FNDC3B: variants seen among roughly 807,000 people sequenced by gnomAD.
The protein encoded by FNDC3B is fibronectin type III domain-containing protein 3B.
In FNDC3B, 12 loss-of-function variants were observed where a neutral mutation model predicts 151.5. The ratio of observed to expected loss-of-function variants is 0.08; its 90% confidence interval spans 0.05 to 0.13. FNDC3B has a LOEUF of 0.13. Ranked by LOEUF, FNDC3B falls within the 10% of genes least tolerant of loss-of-function variation. The pLI, the probability that FNDC3B is intolerant of heterozygous loss-of-function variation, is 1.00. For synonymous variants in FNDC3B, 528 were observed against 549.0 expected (o/e 0.96, Z 0.54); for missense variants, 1,214 against 1,505.3 (o/e 0.81, Z 3.20).
At chr3:172,279,756 C>A (rs1226264286) in intron 6 of FNDC3B, among the ~76,000 whole-genome samples, 1 of 152,184 alleles carries the variant, frequency 6.6e-6, no homozygotes, top group African/African-American at 2.4e-5. Flanking sequence ...GGATCATAGT[C>A]ACTAAATGGA....
At chr3:172,255,277 T>C (rs909516951) in intron 6 of FNDC3B, among the ~76,000 whole-genome samples, 2 of 152,154 alleles carry the variant, frequency 1.3e-5, no homozygotes. Context: ...AGGCTCTTTT[T>C]TTTCTTTTGA....
chr3:172,216,115 G>T (rs1178008325), intron 3 of FNDC3B, among the ~76,000 whole-genome samples: 1 of 152,132 alleles, frequency 6.6e-6, no homozygotes, highest in Non-Finnish European at 1.5e-5. Flanking sequence ...GCTTTTAAAG[G>T]TTTTGAAATG....
intron 22 of FNDC3B, among the ~76,000 whole-genome samples, chr3:172,356,382 T>C (rs1734098713): frequency 6.6e-6 from 1 of 151,920 alleles, no homozygotes; most frequent in Non-Finnish European, 1.5e-5. Flanking sequence ...TGATAAGAGG[T>C]CAGGTACCTA....
At chr3:172,095,590 T>C (rs1319183458) in intron 1 of FNDC3B, among the ~76,000 whole-genome samples, 1 of 152,236 alleles carries the variant, frequency 6.6e-6, no homozygotes, top group Non-Finnish European at 1.5e-5. Flanking sequence ...ATTTTTCCGT[T>C]AGATTATTTG....
chr3:172,164,813 G>A (rs1461591358), intron 3 of FNDC3B, among the ~76,000 whole-genome samples: 2 of 152,108 alleles, frequency 1.3e-5, no homozygotes, highest in Non-Finnish European at 2.9e-5. Flanking sequence ...CAGGTGATTC[G>A]TGTACTGTGT....
At chr3:172,371,562 A>G (rs776590143) in intron 23 of FNDC3B, among the ~76,000 whole-genome samples, 1 of 152,252 alleles carries the variant, frequency 6.6e-6, no homozygotes, top group Non-Finnish European at 1.5e-5. Flanking sequence ...TTAGACTGTA[A>G]ACTTTTAATG....
In FNDC3B at chr3:172,242,198, C is replaced by T. The variant is rs144927022; in HGVS notation, c.265-5335C>T. On this transcript the variant is annotated intron_variant, in intron 4 of 25. Transcript: ENST00000415807. ...TGTGGCTTTGCAGGGTACAGCCTCA[C>T]TCCTGACTGCTTTCACAGGCTGGTA... Among the ~76,000 whole-genome samples the T allele has an allele frequency of 1.8e-3, 268 of 152,354 alleles. 2 individuals are homozygous for T. Among genetic ancestry groups the T allele is most frequent in the African/African-American group, 6.3e-3 (262 of 41,588 alleles).
At chr3:172,118,304 C>T (rs1720363584) in intron 2 of FNDC3B, among the ~76,000 whole-genome samples, 1 of 152,188 alleles carries the variant, frequency 6.6e-6, no homozygotes. Flanking sequence ...TTGATGGCTT[C>T]CGTCTTGCAT....
intron 6 of FNDC3B, among the ~76,000 whole-genome samples, chr3:172,275,847 T>G (rs1382731991): frequency 1.3e-5 from 2 of 152,048 alleles, no homozygotes; most frequent in Non-Finnish European, 2.9e-5. Flanking sequence ...AGGGAAGTGT[T>G]GATTAGGGAG....
At chr3:172,346,904 G>C (rs940594307) in intron 20 of FNDC3B, among the ~76,000 whole-genome samples, 1 of 151,906 alleles carries the variant, frequency 6.6e-6, no homozygotes, top group Non-Finnish European at 1.5e-5. Flanking sequence ...GGGTTTCACT[G>C]TGTTGGCCAG....
chr3:172,305,465 G>C (rs1299703827), intron 9 of FNDC3B, among the ~76,000 whole-genome samples: 1 of 152,180 alleles, frequency 6.6e-6, no homozygotes, highest in African/African-American at 2.4e-5. Flanking sequence ...CATCCGTGTT[G>C]TGTTGCTTAA....
At chr3:172,080,045 A>G (rs1051262062) in intron 1 of FNDC3B, among the ~76,000 whole-genome samples, 14 of 152,248 alleles carry the variant, frequency 9.2e-5, no homozygotes, top group Non-Finnish European at 1.3e-4. Flanking sequence ...TTTGTCTTAC[A>G]AAATGTTCAT....
intron 1 of FNDC3B, among the ~76,000 whole-genome samples, chr3:172,063,147 A>G (rs1048997611): frequency 6.6e-6 from 1 of 151,444 alleles, no homozygotes; most frequent in African/African-American, 2.4e-5. Flanking sequence ...ATTTTTTTGT[A>G]TTTTCCCCAT....
At chr3:172,157,755 T>A (rs56822680) in intron 3 of FNDC3B, among the ~76,000 whole-genome samples, 3,154 of 152,346 alleles carry the variant, frequency 0.021, 109 homozygotes, top group African/African-American at 0.071. Context: ...TTTCATCATA[T>A]ACATGAATCA....
intron 3 of FNDC3B, among the ~76,000 whole-genome samples, chr3:172,207,173 T>C (rs1725477035): frequency 6.6e-6 from 1 of 152,148 alleles, no homozygotes; most frequent in African/African-American, 2.4e-5. Flanking sequence ...TTCAACAGTC[T>C]TTTCTGCTTG....
Position 172,385,591 on chromosome 3 carries a change from C to G in FNDC3B, c.3303+4498C>G, listed in dbSNP as rs978572427. Among the ~76,000 whole-genome samples, 20 of 150,300 alleles carry G rather than the reference C, an allele frequency of 1.3e-4. No individual in the cohort carries two copies. In the South Asian group the frequency reaches 1.7e-3, roughly 13 times the overall value. ...TTTTTTTTTTTTGGACAGAGTCTCA[C>G]TCTGTCGCCCAGGCTGGAGCACAGT... is the stretch of plus-strand genomic sequence containing the variant. On this transcript the variant is annotated intron_variant, in intron 25 of 25. Coordinates refer to ENST00000415807, the MANE Select transcript of FNDC3B (RefSeq NM_022763.4).
chr3:172,365,295 A>G (rs1336145431), intron 23 of FNDC3B, among the ~76,000 whole-genome samples: 1 of 152,202 alleles, frequency 6.6e-6, no homozygotes, highest in African/African-American at 2.4e-5. Context: ...AGGAGCTTCT[A>G]GTTTTAAAGC....
At chr3:172,147,546 G>T (rs1721978666) in intron 3 of FNDC3B, among the ~76,000 whole-genome samples, 1 of 152,068 alleles carries the variant, frequency 6.6e-6, no homozygotes, top group African/African-American at 2.4e-5. Context: ...TTCAGTATAT[G>T]ACATCTATGT....
At chr3:172,294,913 A>G (rs1414183189) in intron 7 of FNDC3B, among the ~76,000 whole-genome samples, 4 of 152,176 alleles carry the variant, frequency 2.6e-5, no homozygotes, top group African/African-American at 9.7e-5. Context: ...CCAGTTTTCC[A>G]CCCATTGGGT....
Sources: gnomAD v4.1 joint callset for allele counts (sites outside exome capture counted in the v4.1 genomes callset) on GRCh38, gnomAD v4.1.1 for gene constraint, MANE v1.5 for transcripts, NCBI Gene and HGNC (gene_info 2026-07-23, HGNC 2026-07-21) for gene names.